AR: variants seen among roughly 807,000 people sequenced by gnomAD.
AR encodes the protein androgen receptor.
Under a neutral mutation model 53.9 loss-of-function variants are expected in AR, and 8 were observed. The observed-to-expected ratio is 0.15, with a 90% CI of 0.09 to 0.27. The LOEUF (loss-of-function observed/expected upper bound fraction) is 0.27. Among genes scored for constraint, AR ranks in the 10% least tolerant of loss-of-function variants. The pLI, the probability that AR is intolerant of heterozygous loss-of-function variation, is 1.00. For synonymous variants in AR, 359 were observed against 316.4 expected (o/e 1.13, Z -1.43); for missense variants, 639 against 742.5 (o/e 0.86, Z 1.62).
intron 2 of AR, chrX:67,680,849 T>C: frequency 3.2e-6 from 1 of 316,422 alleles, no homozygotes; most frequent in South Asian, 2.8e-5. Context: ...GAAACAAACT[T>C]GAAAGCTGTC....
rs1002734345 is a variant in AR, at chrX:67,610,860, G to A, written c.1617-32396G>A. 4.5e-5 allele frequency among the ~76,000 whole-genome samples: 5 copies of A among 111,245 alleles called. No individual in the cohort carries two copies. In the Admixed American group the frequency reaches 4.8e-4, roughly 11 times the overall value. On this transcript the variant is annotated intron_variant, in intron 1 of 7. Coordinates refer to ENST00000374690, the MANE Select transcript of AR (RefSeq NM_000044.6). ...TATGGTGTTTAAGATGAATGGTTCT[G>A]GAGCCAGACTACTTTGGATTGAATA... is the stretch of plus-strand genomic sequence containing the variant.
At chrX:67,722,286 C>T (rs1425112581) in intron 6 of AR, 4 of 271,486 alleles carry the variant, frequency 1.5e-5, no homozygotes, top group Admixed American at 5.2e-5. Flanking sequence ...TAGAAACAGA[C>T]ATGGGCCACC....
chrX:67,580,671 GT>G (rs1490767476), intron 1 of AR, among the ~76,000 whole-genome samples: 1 of 111,274 alleles, frequency 9.0e-6, no homozygotes, highest in South Asian at 3.7e-4. Flanking sequence ...GACCACTCTG[GT>G]TTTTTCTTCT....
At chrX:67,626,038 C>A (rs1436166189) in intron 1 of AR, among the ~76,000 whole-genome samples, 1 of 111,251 alleles carries the variant, frequency 9.0e-6, no homozygotes, top group African/African-American at 3.3e-5. Flanking sequence ...AATGAAGTAT[C>A]CAGTACCTCA....
At chrX:67,637,951 T>G (rs1925534378) in intron 1 of AR, among the ~76,000 whole-genome samples, 1 of 110,931 alleles carries the variant, frequency 9.0e-6, no homozygotes, top group Non-Finnish European at 1.9e-5. Context: ...CATTAGATAT[T>G]TCTCCTAATG....
chrX:67,717,369 T>G, intron 4 of AR, 109 bp from the exon 5 acceptor site: 1 of 1,052,216 alleles, frequency 9.5e-7, no homozygotes, highest in Non-Finnish European at 1.3e-6. Context: ...TCCCTGGGGA[T>G]CCTTAGGGGA....
chrX:67,721,048 A>AT (rs2076133708), intron 5 of AR, among the ~76,000 whole-genome samples: 1 of 111,440 alleles, frequency 9.0e-6, no homozygotes, highest in Non-Finnish European at 1.9e-5. Flanking sequence ...CCACTTCCCC[A>AT]TATAATTTAT....
chrX:67,557,028 A>G (rs867037092), intron 1 of AR, among the ~76,000 whole-genome samples: 2 of 111,192 alleles, frequency 1.8e-5, no homozygotes, highest in Middle Eastern at 4.7e-3. Flanking sequence ...GAGCAGGGTA[A>G]CATGACCTGA....
intron 1 of AR, among the ~76,000 whole-genome samples, chrX:67,588,834 T>A (rs1922684937): frequency 8.9e-6 from 1 of 112,346 alleles, no homozygotes; most frequent in South Asian, 3.7e-4. Context: ...TTTAAGATCA[T>A]CCCTATTCTG....
At chrX:67,705,273 C>T (rs1237897270) in intron 3 of AR, among the ~76,000 whole-genome samples, 1 of 111,326 alleles carries the variant, frequency 9.0e-6, no homozygotes. Context: ...TCTTCCTACC[C>T]ATGAGCATGG....
At chrX:67,700,482 G>A (rs2076038023) in intron 3 of AR, among the ~76,000 whole-genome samples, 1 of 111,430 alleles carries the variant, frequency 9.0e-6, no homozygotes, top group Non-Finnish European at 1.9e-5. Context: ...AGACAGAACA[G>A]AGGATCCCCC....
At chrX:67,623,226 T>G (rs1924464604) in intron 1 of AR, among the ~76,000 whole-genome samples, 3 of 109,444 alleles carry the variant, frequency 2.7e-5, no homozygotes, top group African/African-American at 1.0e-4. Context: ...GCAAACGTTG[T>G]GAAAATTAAC....
chrX:67,613,323 A>C (rs997208516), intron 1 of AR, among the ~76,000 whole-genome samples: 15 of 111,645 alleles, frequency 1.3e-4, no homozygotes, highest in Admixed American at 5.7e-4. Flanking sequence ...GCAGGTTGTT[A>C]GGATGGAGAA....
At chrX:67,705,278 G>T (rs772228966) in intron 3 of AR, among the ~76,000 whole-genome samples, 9 of 111,468 alleles carry the variant, frequency 8.1e-5, no homozygotes, top group African/African-American at 2.3e-4. Context: ...CTACCCATGA[G>T]CATGGAATGT....
intron 1 of AR, among the ~76,000 whole-genome samples, chrX:67,549,319 T>TTTACCATTCA (rs1929904230): frequency 8.9e-6 from 1 of 111,770 alleles, no homozygotes; most frequent in African/African-American, 3.3e-5. Flanking sequence ...GGTCCCTCCC[T>TTTACCATTCA]TTACCATTCA....
chrX:67,662,450 C>A (rs951704571), intron 2 of AR, among the ~76,000 whole-genome samples: 1 of 111,363 alleles, frequency 9.0e-6, no homozygotes, highest in Admixed American at 9.6e-5. Flanking sequence ...TCATTATGTA[C>A]CTAGTAGTCA....
intron 3 of AR, among the ~76,000 whole-genome samples, chrX:67,693,789 C>A (rs1379428616): frequency 1.8e-5 from 2 of 112,118 alleles, no homozygotes; most frequent in Non-Finnish European, 3.8e-5. Flanking sequence ...AGGTTCCATT[C>A]TTCTCAGTCC....
rs762734331 is a variant in AR, at chrX:67,673,302, G to T, written c.1769-12708G>T. On this transcript the variant is annotated intron_variant, in intron 2 of 7. Transcript: ENST00000374690. ...CTTGGATATTAATATCTTTCTCTAG[G>T]TTTGGGAAGTTCTCTGTTATTATCC... Among the ~76,000 whole-genome samples the T allele has an allele frequency of 5.5e-5, 6 of 108,890 alleles. 1 individual carries two copies. Among genetic ancestry groups the T allele is most frequent in the African/African-American group, 1.7e-4 (5 of 30,063 alleles). The allele number at this position is 108,890 out of a possible 115,157, so 94.6% of individuals were successfully genotyped here.
chrX:67,687,697 A>C (rs2075974472), intron 3 of AR, among the ~76,000 whole-genome samples: 1 of 112,134 alleles, frequency 8.9e-6, no homozygotes, highest in Non-Finnish European at 1.9e-5. Context: ...TATACACTCA[A>C]CTGTCAATTA....
Sources: gnomAD v4.1 joint callset for allele counts (sites outside exome capture counted in the v4.1 genomes callset) on GRCh38, gnomAD v4.1.1 for gene constraint, MANE v1.5 for transcripts, NCBI Gene and HGNC (gene_info 2026-07-23, HGNC 2026-07-21) for gene names.